The following ELAPOR2 variants were observed in gnomAD, a reference collection of about 807,000 sequenced individuals.
The protein encoded by ELAPOR2 is endosome-lysosome associated apoptosis and autophagy regulator family member 2.
A neutral mutation model predicts 120.7 loss-of-function variants in ELAPOR2; 89 were observed. The observed-to-expected ratio is 0.74, with a 90% confidence interval of 0.62 to 0.88. The LOEUF is 0.88. Among genes scored for constraint, ELAPOR2 ranks in the 40% least tolerant of loss-of-function variants. The pLI, the probability that ELAPOR2 is intolerant of heterozygous loss-of-function variation, is 0.00. For synonymous variants in ELAPOR2, 444 were observed against 444.9 expected (o/e 1.00, Z 0.03); for missense variants, 1,134 against 1,251.6 (o/e 0.91, Z 1.42).
intron 1 of ELAPOR2, among the ~76,000 whole-genome samples, chr7:87,013,566 G>A (rs1793764885): frequency 6.6e-6 from 1 of 152,164 alleles, no homozygotes; most frequent in African/African-American, 2.4e-5. Context: ...GGGATGGAGT[G>A]AGGAAGGAGC....
chr7:87,059,319 G>C lies in ELAPOR2; in HGVS notation c.189+6C>G. 1.6e-6 allele frequency: 2 copies of C among 1,248,456 alleles called. No individual in the cohort carries two copies. The highest frequency in any genetic ancestry group is 2.0e-6 in the Non-Finnish European group (2 of 988,576). The allele number at this position is 1,248,456 out of a possible 1,614,324, so 77.3% of individuals were successfully genotyped here. A position where few individuals can be genotyped will look rare whatever the true frequency, so the allele number is the denominator to read the frequency against. ...AACTCCAGGTAGAGGACCAGGTGCT[G>C]CTCACCTCCTGGCAAGGAGGAAGCG... is the stretch of plus-strand genomic sequence containing the variant. On this transcript the variant is annotated splice_donor_region_variant and intron_variant, in intron 1 of 21. Transcript: ENST00000450689.
At chr7:86,957,672 T>G (rs1429169808) in intron 2 of ELAPOR2, among the ~76,000 whole-genome samples, 1 of 152,202 alleles carries the variant, frequency 6.6e-6, no homozygotes, top group Non-Finnish European at 1.5e-5. Flanking sequence ...TAAATGTTAC[T>G]CTCTCATCTT....
intron 1 of ELAPOR2, among the ~76,000 whole-genome samples, chr7:86,974,087 A>G (rs1434736653): frequency 6.6e-6 from 1 of 152,020 alleles, no homozygotes; most frequent in African/African-American, 2.4e-5. Flanking sequence ...ACAACGGTAT[A>G]TGAAAGTATA....
chr7:87,034,601 T>C (rs1794524055), intron 1 of ELAPOR2, among the ~76,000 whole-genome samples: 1 of 152,138 alleles, frequency 6.6e-6, no homozygotes, highest in South Asian at 2.1e-4. Flanking sequence ...TCAATTATTA[T>C]TTTGGTTCAA....
At chr7:87,007,464 T>C (rs1199815413) in intron 1 of ELAPOR2, among the ~76,000 whole-genome samples, 1 of 152,112 alleles carries the variant, frequency 6.6e-6, no homozygotes, top group African/African-American at 2.4e-5. Context: ...TGAACAGATA[T>C]GGAATGAAAT....
chr7:87,000,211 G>A (rs1051057596), intron 1 of ELAPOR2, among the ~76,000 whole-genome samples: 20 of 152,068 alleles, frequency 1.3e-4, no homozygotes, highest in African/African-American at 4.8e-4. Context: ...CACACAAAAG[G>A]AGACGTATGC....
chr7:87,024,074 T>C (rs1179231001), intron 1 of ELAPOR2, among the ~76,000 whole-genome samples: 9 of 152,268 alleles, frequency 5.9e-5, no homozygotes, highest in Admixed American at 2.6e-4. Flanking sequence ...TCCTGCCTGA[T>C]TGCCCTGGCC....
intron 1 of ELAPOR2, among the ~76,000 whole-genome samples, chr7:87,033,698 A>G (rs544036014): frequency 4.6e-5 from 7 of 152,280 alleles, no homozygotes; most frequent in South Asian, 2.1e-4. Flanking sequence ...GAAAGACTAA[A>G]TAAGTGAGAA....
intron 8 of ELAPOR2, among the ~76,000 whole-genome samples, chr7:86,934,837 T>C (rs192451133): frequency 1.3e-3 from 203 of 152,116 alleles, no homozygotes; most frequent in Non-Finnish European, 2.3e-3. Context: ...TGGTCTTTCC[T>C]TCCTCGCCTC....
At chr7:86,951,409 A>G (rs1421615252) in intron 2 of ELAPOR2, among the ~76,000 whole-genome samples, 1 of 152,234 alleles carries the variant, frequency 6.6e-6, no homozygotes, top group African/African-American at 2.4e-5. Flanking sequence ...AAAGAGAAGA[A>G]TTGCGTTTGT....
At chr7:86,889,067 A>G (rs1799827086) in intron 21 of ELAPOR2, among the ~76,000 whole-genome samples, 1 of 152,118 alleles carries the variant, frequency 6.6e-6, no homozygotes, top group South Asian at 2.1e-4. Context: ...ATGTTAGAAA[A>G]GGTGGTATAA....
chr7:86,912,108 GTA>G lies in ELAPOR2; in HGVS notation c.2131_2132del (p.Tyr711LeufsTer12). On this transcript the variant is annotated frameshift_variant, in exon 15 of 22. Coordinates refer to ENST00000450689, the MANE Select transcript of ELAPOR2 (RefSeq NM_001142749.3). LOFTEE classifies it high-confidence loss of function. Reference protein sequence around the residue: ...GPSFTSKGTKYFHFFNISLCG... With the variant: ...GPSFTSKGTKXFHFFNISLCG... ...ATAAACTGATATTGAAGAAATGGAA[GTA>G]TTTTGTTCCTTTGGAGGTGAAGCTG... is the stretch of plus-strand genomic sequence containing the variant. The G allele has an allele frequency of 1.2e-6, 2 of 1,610,944 alleles. No homozygotes were observed. Among genetic ancestry groups the G allele is most frequent in the Non-Finnish European group, 1.7e-6 (2 of 1,177,432 alleles).
At chr7:87,043,911 G>T (rs1214241059) in intron 1 of ELAPOR2, among the ~76,000 whole-genome samples, 7 of 151,894 alleles carry the variant, frequency 4.6e-5, no homozygotes, top group Admixed American at 4.6e-4. Flanking sequence ...CTTCAGCGAA[G>T]TCTCAGGATA....
At chr7:86,893,161 T>C in intron 19 of ELAPOR2, 61 bp from the exon 20 acceptor site, 1 of 1,336,036 alleles carries the variant, frequency 7.5e-7, no homozygotes, top group African/African-American at 1.5e-5. Flanking sequence ...GACTCAACTG[T>C]GAAAGCTAGA....
At position 87,033,920 on chromosome 7, in the gene ELAPOR2, C is replaced by T. The variant is rs151118059; in HGVS notation, c.189+25405G>A. ...ACAATAGATGGTATAGAAAACAGACCAACAGAAAAAGGATGAATTATGGAT... is the reference window on the plus strand; with the variant it reads ...ACAATAGATGGTATAGAAAACAGACTAACAGAAAAAGGATGAATTATGGAT... On this transcript the variant is annotated intron_variant, in intron 1 of 21. Transcript: ENST00000450689. 2.3e-3 allele frequency among the ~76,000 whole-genome samples: 348 copies of T among 151,692 alleles called. 4 individuals carry two copies. Among genetic ancestry groups the T allele is most frequent in the African/African-American group, 8.1e-3 (334 of 41,358 alleles).
rs186061824 is a variant in ELAPOR2 at position 87,007,507 on chromosome 7, T to A, written c.190-42483A>T. Among the ~76,000 whole-genome samples, 42 of 152,338 alleles carry A rather than the reference T, an allele frequency of 2.8e-4. No individual in the cohort carries two copies. The East Asian group carries it at 7.1e-3, about 26-fold the overall frequency. On this transcript the variant is annotated intron_variant, in intron 1 of 21. Transcript: ENST00000450689. ...AGAGGTAGATATGCACACGTTTATA[T>A]GCAGACATAAACACACATTTTCTAG...
rs547869134 is a variant in ELAPOR2 at position 86,959,945 on chromosome 7, A to G, written c.310+4959T>C. 5.3e-5 allele frequency among the ~76,000 whole-genome samples: 8 copies of G among 152,208 alleles called. 1 individual carries two copies. The highest frequency in any genetic ancestry group is 9.6e-5 in the African/African-American group (4 of 41,530). ...TCTCAAAATATTTTCTAATTTCCCTATGATTTCTTCTTTGACCCAATGGTT... is the reference window on the plus strand; with the variant it reads ...TCTCAAAATATTTTCTAATTTCCCTGTGATTTCTTCTTTGACCCAATGGTT... On this transcript the variant is annotated intron_variant, in intron 2 of 21. Transcript: ENST00000450689.
intron 1 of ELAPOR2, among the ~76,000 whole-genome samples, chr7:87,042,523 C>T (rs1244672718): frequency 2.0e-5 from 3 of 151,600 alleles, no homozygotes; most frequent in East Asian, 1.9e-4. Flanking sequence ...GGGTACATAA[C>T]GAAATGAAGG....
At chr7:86,893,554 A>T (rs1238262600) in intron 19 of ELAPOR2, among the ~76,000 whole-genome samples, 2 of 151,874 alleles carry the variant, frequency 1.3e-5, no homozygotes, top group East Asian at 3.9e-4. Flanking sequence ...ATGTAAGCCC[A>T]TTTTCCCAAT....
Sources: gnomAD v4.1 joint callset for allele counts (sites outside exome capture counted in the v4.1 genomes callset) on GRCh38, gnomAD v4.1.1 for gene constraint, MANE v1.5 for transcripts, NCBI Gene and HGNC (gene_info 2026-07-23, HGNC 2026-07-21) for gene names.